The following AMDHD1 variants were observed in gnomAD, a reference collection of about 807,000 sequenced individuals.
The protein encoded by AMDHD1 is probable imidazolonepropionase.
In AMDHD1, 45 loss-of-function variants were observed where a neutral mutation model predicts 44.1. The ratio of observed to expected loss-of-function variants is 1.02; its 90% CI spans 0.80 to 1.31. The LOEUF is 1.31. AMDHD1 is among the 50% of genes most tolerant of loss of function. The probability of loss-of-function intolerance (pLI) is 0.00; values close to 1 mark genes in which losing one functional copy is unlikely to be tolerated. For missense variants in AMDHD1, 586 were observed against 552.1 expected, an observed-to-expected ratio of 1.06 and a Z score of -0.61; for synonymous variants, 206 against 205.0, an observed-to-expected ratio of 1.00 and a Z score of -0.04.
rs1352221264 is a variant in AMDHD1, at chr12:95,960,680, A to G, written c.813+57A>G. The G allele has an allele frequency of 2.0e-6, 3 of 1,510,596 alleles. No homozygotes were observed. In the African/African-American group the frequency reaches 4.2e-5, roughly 21 times the overall value. 93.6% of individuals were successfully genotyped at this position (1,510,596 alleles called of 1,614,324 possible). ...ACATTCATTCTTGCACATTCATGCT[A>G]TGGGAAACTTAATTAGTTTCTTCAA... is the stretch of plus-strand genomic sequence containing the variant. On this transcript the variant is annotated intron_variant, in intron 5 of 8. Coordinates refer to ENST00000266736, the MANE Select transcript of AMDHD1 (RefSeq NM_152435.3).
chr12:95,943,512 A>C lies in AMDHD1; in HGVS notation c.114A>C (p.Glu38Asp). The change falls in exon 1 of 9, where the codon GAA becomes GAC. Residue 38 changes from glutamate (E) to aspartate (D), a missense_variant. Physicochemically the swap from Glu to Asp is conservative, Grantham distance 45. Transcript: ENST00000266736. ...RDALRSLAVLEGASLVVGKDG... is the reference protein window; with the variant it reads ...RDALRSLAVLDGASLVVGKDG... Reference sequence around the variant, plus strand: ...CGCTGCGCAGCCTGGCGGTGCTGGAAGGCGCCAGCCTGGTGGTGGGCAAGT... The same window carrying C: ...CGCTGCGCAGCCTGGCGGTGCTGGACGGCGCCAGCCTGGTGGTGGGCAAGT... 1 of 1,489,824 alleles carries C rather than the reference A, an allele frequency of 6.7e-7. No homozygotes were observed. Among genetic ancestry groups the C allele is most frequent in the Non-Finnish European group, 8.9e-7 (1 of 1,123,056 alleles). The allele number at this position is 1,489,824 out of a possible 1,614,324, so 92.3% of individuals were successfully genotyped here. A position where few individuals can be genotyped will look rare whatever the true frequency, so the allele number is the denominator to read the frequency against.
intron 2 of AMDHD1, 149 bp from the exon 3 acceptor site, chr12:95,954,762 A>G (rs2080541896): frequency 1.5e-6 from 1 of 661,550 alleles, no homozygotes; most frequent in South Asian, 2.1e-5. Flanking sequence ...AGGGAACCAG[A>G]CAGACAAATT....
Position 95,964,520 on chromosome 12 carries a change from G to A in AMDHD1, c.939-1166G>A, listed in dbSNP as rs765421784. Among the ~76,000 whole-genome samples, 10 of 152,216 alleles carry A rather than the reference G, an allele frequency of 6.6e-5. No homozygotes were observed. The East Asian group carries it at 1.7e-3, about 26-fold the overall frequency. Reference sequence around the variant, plus strand: ...TTTACCCCTAAGTATTTATGGAAGGGGGGGAGGGCCATTCAAATGACTTGC... The same window carrying A: ...TTTACCCCTAAGTATTTATGGAAGGAGGGGAGGGCCATTCAAATGACTTGC... On this transcript the variant is annotated intron_variant, in intron 6 of 8. Coordinates refer to ENST00000266736, the MANE Select transcript of AMDHD1 (RefSeq NM_152435.3).
intron 1 of AMDHD1, among the ~76,000 whole-genome samples, chr12:95,950,874 G>A (rs1012513860): frequency 2.3e-5 from 2 of 86,526 alleles, no homozygotes; most frequent in Non-Finnish European, 4.3e-5. Flanking sequence ...CTCTACTAGT[G>A]TAAAAAAGGG....
intron 1 of AMDHD1, 39 bp from the exon 2 acceptor site, chr12:95,952,678 T>A: frequency 1.5e-6 from 2 of 1,336,798 alleles, no homozygotes; most frequent in Non-Finnish European, 2.1e-6. Flanking sequence ...CTCACAAGAT[T>A]TCCCCAAATT....
intron 3 of AMDHD1, among the ~76,000 whole-genome samples, chr12:95,956,432 C>G (rs779662695): frequency 2.0e-5 from 3 of 152,048 alleles, no homozygotes; most frequent in Non-Finnish European, 4.4e-5. Flanking sequence ...TCCCAACAGG[C>G]CACCCACCAC....
chr12:95,966,445 C>G lies in AMDHD1; in HGVS notation c.1130C>G (p.Ser377Cys). 1 of 1,614,238 alleles carries G rather than the reference C, an allele frequency of 6.2e-7. No homozygotes were observed. The change falls in exon 8 of 9, where the codon TCT (serine) becomes TGT (cysteine). Residue 377 changes from serine to cysteine, a missense_variant. By Grantham distance (112) the Ser-to-Cys change is moderately radical (BLOSUM62 -1). Coordinates refer to ENST00000266736, the MANE Select transcript of AMDHD1 (RefSeq NM_152435.3). ...AATGCAGCTTATGCACTGGGAAAGTCTCACACACACGGATCGTTGGAAGTT... is the reference window on the plus strand; with the variant it reads ...AATGCAGCTTATGCACTGGGAAAGTGTCACACACACGGATCGTTGGAAGTT... ...TINAAYALGK[S>C]HTHGSLEVGK...
At chr12:95,957,215 C>A (rs2080556539) in intron 4 of AMDHD1, among the ~76,000 whole-genome samples, 1 of 152,138 alleles carries the variant, frequency 6.6e-6, no homozygotes, top group Non-Finnish European at 1.5e-5. Flanking sequence ...AGAAATGGCT[C>A]CGTGTAGGTC....
intron 4 of AMDHD1, 130 bp downstream of exon 4, chr12:95,957,092 T>G (rs2080555991): frequency 7.9e-7 from 1 of 1,268,728 alleles, no homozygotes; most frequent in Non-Finnish European, 1.1e-6. Context: ...CTGATTCTAA[T>G]GGCCACTCAT....
Position 95,962,499 on chromosome 12 carries a change from C to T in AMDHD1, c.938+20C>T, listed in dbSNP as rs1250757765. 1 of 1,522,628 alleles carries T rather than the reference C, an allele frequency of 6.6e-7. No individual in the cohort carries two copies. The highest frequency in any genetic ancestry group is 2.0e-5 in the Admixed American group (1 of 51,002). The allele number at this position is 1,522,628 out of a possible 1,614,324, so 94.3% of individuals were successfully genotyped here. On this transcript the variant is annotated intron_variant, in intron 6 of 8. Coordinates refer to ENST00000266736, the MANE Select transcript of AMDHD1 (RefSeq NM_152435.3). ...GCTGAGGTAAGGTCGTTTCTCACCC[C>T]AGACCAAGAGCTGCAAGTACAAGCT... is the stretch of plus-strand genomic sequence containing the variant.
chr12:95,958,645 C>T (rs944746744), intron 4 of AMDHD1, among the ~76,000 whole-genome samples: 3 of 152,178 alleles, frequency 2.0e-5, no homozygotes, highest in Non-Finnish European at 4.4e-5. Context: ...TCCAGCTTGG[C>T]TACTTCCAGC....
chr12:95,948,004 C>T (rs1592820709), intron 1 of AMDHD1, among the ~76,000 whole-genome samples: 7 of 127,678 alleles, frequency 5.5e-5, no homozygotes, highest in African/African-American at 2.1e-4. Flanking sequence ...GTCAGCCCCC[C>T]GCCCGGCCAG....
intron 3 of AMDHD1, among the ~76,000 whole-genome samples, 199 bp from the exon 4 acceptor site, chr12:95,956,486 G>A (rs945090387): frequency 6.6e-6 from 1 of 152,150 alleles, no homozygotes; most frequent in Non-Finnish European, 1.5e-5. Flanking sequence ...AGACCCCTTC[G>A]GAGCTCCCCA....
intron 6 of AMDHD1, among the ~76,000 whole-genome samples, chr12:95,962,722 TTTTC>T (rs1243851216): frequency 6.6e-6 from 1 of 152,214 alleles, no homozygotes; most frequent in Non-Finnish European, 1.5e-5. Context: ...GGTGCTTTCT[TTTTC>T]TTTTTCTTTT....
At chr12:95,954,515 C>T (rs149069875) in intron 2 of AMDHD1, among the ~76,000 whole-genome samples, 3 of 151,890 alleles carry the variant, frequency 2.0e-5, no homozygotes, top group African/African-American at 7.3e-5. Flanking sequence ...CTGTAGGGAG[C>T]TGTGAGTGTG....
intron 5 of AMDHD1, among the ~76,000 whole-genome samples, chr12:95,960,826 C>T (rs2080577728): frequency 6.6e-6 from 1 of 152,134 alleles, no homozygotes; most frequent in Non-Finnish European, 1.5e-5. Context: ...GATTTACTTT[C>T]ATTATCATCC....
chr12:95,954,828 G>C (rs2080542249), intron 2 of AMDHD1, 83 bp from the exon 3 acceptor site: 1 of 1,282,456 alleles, frequency 7.8e-7, no homozygotes, highest in Non-Finnish European at 1.1e-6. Flanking sequence ...CCCCAGAGCA[G>C]CAGGGTATAG....
chr12:95,944,991 G>A (rs370619694), intron 1 of AMDHD1, among the ~76,000 whole-genome samples: 20 of 151,996 alleles, frequency 1.3e-4, no homozygotes, highest in Non-Finnish European at 2.8e-4. Context: ...AACATTAGCC[G>A]GGCATGGCGG....
intron 1 of AMDHD1, among the ~76,000 whole-genome samples, chr12:95,949,495 G>T (rs894473470): frequency 2.0e-5 from 3 of 152,090 alleles, no homozygotes; most frequent in African/African-American, 7.2e-5. Flanking sequence ...AAAACCACAT[G>T]TGCCTATTAT....
Sources: gnomAD v4.1 joint callset for allele counts (sites outside exome capture counted in the v4.1 genomes callset) on GRCh38, gnomAD v4.1.1 for gene constraint, MANE v1.5 for transcripts, NCBI Gene and HGNC (gene_info 2026-07-23, HGNC 2026-07-21) for gene names.